The following NBAS variants were observed in gnomAD, a reference collection of about 807,000 sequenced individuals.
The protein encoded by NBAS is NAG/BC035112 fusion.
A neutral mutation model predicts 302.5 loss-of-function variants in NBAS; 219 were observed. The ratio of observed to expected loss-of-function variants is 0.72; its 90% CI spans 0.65 to 0.81. The LOEUF (loss-of-function observed/expected upper bound fraction) is 0.81, where lower values mean the gene tolerates loss of function less well. Among genes scored for constraint, NBAS ranks in the 30% least tolerant of loss-of-function variants. NBAS has a pLI of 0.00. For missense variants in NBAS, 2,932 were observed against 2,841.6 expected, an observed-to-expected ratio of 1.03 and a Z score of -0.72; for synonymous variants, 1,118 against 1,021.6, an observed-to-expected ratio of 1.09 and a Z score of -1.80.
the NBAS span, among the ~76,000 whole-genome samples, chr2:15,112,285 C>A: frequency 6.6e-6 from 1 of 150,890 alleles, no homozygotes; most frequent in Non-Finnish European, 1.5e-5. Flanking sequence ...GAAAGGAAGG[C>A]AAAACAAGAG....
In NBAS at chr2:15,561,325, G is replaced by C; in HGVS notation, c.-21C>G. On this transcript the variant is annotated 5_prime_UTR_variant, in exon 1 of 52. Coordinates refer to ENST00000281513, the MANE Select transcript of NBAS (RefSeq NM_015909.4). ...GCCATGTTCGCCGAGGACTCAGGCA[G>C]CGGAGGAGTGTCTCTACGGAATCCC... is the stretch of plus-strand genomic sequence containing the variant. 1 of 1,601,900 alleles carries C rather than the reference G, an allele frequency of 6.2e-7. No homozygotes were observed. The highest frequency in any genetic ancestry group is 8.5e-7 in the Non-Finnish European group (1 of 1,172,308).
rs773602193 is a variant in NBAS at position 15,474,159 on chromosome 2, C to T, written c.1507G>A (p.Ala503Thr). ...LYLVTEMERF[A>T]PPRKRPRTIT... Reference sequence around the variant, plus strand: ...GTTCGTGGGCGTTTCCGTGGTGGTGCAAATCGCTCCATTTCAGTCACCAAG... The same window carrying T: ...GTTCGTGGGCGTTTCCGTGGTGGTGTAAATCGCTCCATTTCAGTCACCAAG... The change falls in exon 15 of 52, where the codon GCA becomes ACA. Residue 503 changes from alanine to threonine, a missense_variant. Coordinates refer to ENST00000281513, the MANE Select transcript of NBAS (RefSeq NM_015909.4). The T allele has an allele frequency of 1.9e-6, 3 of 1,614,066 alleles. No homozygotes were observed. The South Asian group carries it at 3.3e-5, about 18-fold the overall frequency.
chr2:15,398,294 C>T (rs1002523947), intron 26 of NBAS, among the ~76,000 whole-genome samples: 3 of 152,076 alleles, frequency 2.0e-5, no homozygotes, highest in Non-Finnish European at 4.4e-5. Context: ...AAGCTGTACG[C>T]TACCAAACCC....
At chr2:15,377,724 A>G (rs1278256001) in intron 30 of NBAS, among the ~76,000 whole-genome samples, 1 of 152,228 alleles carries the variant, frequency 6.6e-6, no homozygotes, top group Non-Finnish European at 1.5e-5. Flanking sequence ...ATCTAGCACA[A>G]CCACTCAACA....
the NBAS span, among the ~76,000 whole-genome samples, chr2:14,794,081 T>C: frequency 6.6e-6 from 1 of 152,162 alleles, no homozygotes; most frequent in Non-Finnish European, 1.5e-5. Context: ...AAAGAAATGA[T>C]TTAAGAAAAG....
intron 40 of NBAS, among the ~76,000 whole-genome samples, chr2:15,296,320 C>T (rs1035593153): frequency 6.6e-6 from 1 of 152,140 alleles, no homozygotes; most frequent in Admixed American, 6.6e-5. Context: ...AGGTGGACCC[C>T]TTGAGGTCAG....
intron 28 of NBAS, among the ~76,000 whole-genome samples, chr2:15,391,971 T>A (rs1478389739): frequency 6.6e-6 from 1 of 151,198 alleles, no homozygotes; most frequent in Non-Finnish European, 1.5e-5. Context: ...AATAAAGACT[T>A]TTTTAAACAA....
intron 38 of NBAS, among the ~76,000 whole-genome samples, chr2:15,324,609 C>T (rs1022754717): frequency 3.3e-5 from 5 of 152,112 alleles, no homozygotes; most frequent in Admixed American, 6.5e-5. Context: ...CCTATCATAG[C>T]GCCTGTCACT....
the NBAS span, among the ~76,000 whole-genome samples, chr2:14,936,432 C>T: frequency 6.6e-6 from 1 of 152,166 alleles, no homozygotes; most frequent in Non-Finnish European, 1.5e-5. Context: ...TGGCCTAAGC[C>T]AGGTTTCTGT....
chr2:14,912,971 C>T, the NBAS span, among the ~76,000 whole-genome samples: 2 of 151,956 alleles, frequency 1.3e-5, no homozygotes, highest in Non-Finnish European at 1.5e-5. Flanking sequence ...AAAGTTTCTT[C>T]GGAAATCAGG....
chr2:15,231,132 C>T (rs1356238035), intron 47 of NBAS, among the ~76,000 whole-genome samples: 2 of 152,206 alleles, frequency 1.3e-5, no homozygotes, highest in Non-Finnish European at 2.9e-5. Flanking sequence ...CATATGACTC[C>T]TTTGTGACTT....
At chr2:15,442,373 GA>G (rs887427720) in intron 21 of NBAS, among the ~76,000 whole-genome samples, 17 of 150,750 alleles carry the variant, frequency 1.1e-4, no homozygotes, top group Admixed American at 3.3e-4. Context: ...CAACTACATG[GA>G]AACTGAACAA....
intron 40 of NBAS, among the ~76,000 whole-genome samples, chr2:15,302,983 A>G (rs527260428): frequency 1.3e-5 from 2 of 152,262 alleles, no homozygotes; most frequent in East Asian, 3.9e-4. Context: ...GTGGTTTGTT[A>G]GTGGCTCTTG....
intron 48 of NBAS, among the ~76,000 whole-genome samples, chr2:15,208,863 A>G (rs1418607847): frequency 6.6e-6 from 1 of 152,178 alleles, no homozygotes; most frequent in African/African-American, 2.4e-5. Flanking sequence ...AAAAACTTCA[A>G]ATAACCTAAC....
intron 41 of NBAS, 93 bp from the exon 42 acceptor site, chr2:15,287,276 T>A: frequency 1.1e-6 from 1 of 892,570 alleles, no homozygotes; most frequent in South Asian, 1.4e-5. Flanking sequence ...TGCTCTCCAG[T>A]GAGAGAGGTG....
chr2:15,205,892 T>C (rs1666118052), intron 48 of NBAS, among the ~76,000 whole-genome samples: 1 of 152,208 alleles, frequency 6.6e-6, no homozygotes, highest in Non-Finnish European at 1.5e-5. Flanking sequence ...CTTTTCTTTA[T>C]AAATTACACA....
intron 44 of NBAS, among the ~76,000 whole-genome samples, chr2:15,247,847 C>T (rs1040595409): frequency 6.6e-6 from 1 of 151,868 alleles, no homozygotes; most frequent in Non-Finnish European, 1.5e-5. Flanking sequence ...GACTCCCACA[C>T]AATAATAGTG....
intron 30 of NBAS, among the ~76,000 whole-genome samples, chr2:15,376,276 C>T (rs1435503786): frequency 6.6e-6 from 1 of 152,098 alleles, no homozygotes; most frequent in Non-Finnish European, 1.5e-5. Flanking sequence ...CCACATTATA[C>T]ACACAGGGCA....
At chr2:15,368,624 T>C (rs1674337115) in intron 31 of NBAS, among the ~76,000 whole-genome samples, 1 of 152,200 alleles carries the variant, frequency 6.6e-6, no homozygotes, top group Non-Finnish European at 1.5e-5. Flanking sequence ...CCATTGCTAA[T>C]ACCTACATCT....
Sources: allele counts gnomAD v4.1 joint callset (sites outside exome capture counted in the v4.1 genomes callset), GRCh38; gene constraint gnomAD v4.1.1; transcripts MANE v1.5; gene names NCBI Gene and HGNC (gene_info 2026-07-23, HGNC 2026-07-21).